The following CPSF7 variants were observed in gnomAD, a reference collection of about 807,000 sequenced individuals.
CPSF7 encodes cleavage and polyadenylation specificity factor subunit 7.
CPSF7 carries 1 observed loss-of-function variant against 44.3 expected under a neutral mutation model. That is an observed-to-expected ratio of 0.02 (90% CI 0.01 to 0.11). The LOEUF (loss-of-function observed/expected upper bound fraction) is 0.11. Ranked by LOEUF, CPSF7 falls within the 10% of genes least tolerant of loss-of-function variation. CPSF7 has a pLI of 1.00. For missense variants in CPSF7, 443 were observed against 607.2 expected (o/e 0.73, Z 2.84); for synonymous variants, 202 against 222.0 (o/e 0.91, Z 0.80).
At chr11:61,423,326 C>T (rs369983920) in intron 2 of CPSF7, among the ~76,000 whole-genome samples, 3 of 151,948 alleles carry the variant, frequency 2.0e-5, no homozygotes, top group South Asian at 4.2e-4. Context: ...GCACACACCA[C>T]CATGCCCAGC....
intron 1 of CPSF7, 108 bp from the exon 2 acceptor site, chr11:61,429,398 C>T: frequency 1.5e-6 from 1 of 687,898 alleles, no homozygotes; most frequent in South Asian, 1.7e-5. Flanking sequence ...ATCCTGGCGG[C>T]CCCAGCTCGG....
At chr11:61,407,665 T>C (rs1027433769) in intron 9 of CPSF7, among the ~76,000 whole-genome samples, 4 of 152,218 alleles carry the variant, frequency 2.6e-5, no homozygotes, top group African/African-American at 7.2e-5. Context: ...GTGGAATAAA[T>C]GAGTGGCTAA....
chr11:61,404,388 G>A lies in CPSF7; in HGVS notation c.*322C>T, dbSNP rs1859121981. The A allele has an allele frequency of 6.6e-6, 1 of 152,636 alleles. No individual in the cohort carries two copies. Among genetic ancestry groups the A allele is most frequent in the Admixed American group, 6.5e-5 (1 of 15,286 alleles). 9.5% of individuals were successfully genotyped at this position (152,636 alleles called of 1,614,324 possible). On this transcript the variant is annotated 3_prime_UTR_variant, in exon 10 of 10. Coordinates refer to ENST00000439958, the MANE Select transcript of CPSF7 (RefSeq NM_001142565.3). Reference sequence around the variant, plus strand: ...CCATTGAACGGCTCCCGGAGAATCAGAAACTCATACGTTTTCTTGGACAAA... The same window carrying A: ...CCATTGAACGGCTCCCGGAGAATCAAAAACTCATACGTTTTCTTGGACAAA...
rs1419354941 is a variant in CPSF7, at chr11:61,403,576, T to A, written c.*1134A>T. 6.6e-6 allele frequency: 1 copy of A among 152,078 alleles called. No homozygotes were observed. The highest frequency in any genetic ancestry group is 1.5e-5 in the Non-Finnish European group (1 of 68,032). 9.4% of individuals were successfully genotyped at this position (152,078 alleles called of 1,614,324 possible). On this transcript the variant is annotated 3_prime_UTR_variant, in exon 10 of 10. Transcript: ENST00000439958. ...AGGCAGAGTGAGAGGAGCTATTAAGTCAACAGTCAAAAGGTGAAAAGACAC... is the reference window on the plus strand; with the variant it reads ...AGGCAGAGTGAGAGGAGCTATTAAGACAACAGTCAAAAGGTGAAAAGACAC...
chr11:61,411,676 T>C (rs1208293042), intron 8 of CPSF7, 93 bp downstream of exon 8: 2 of 1,212,138 alleles, frequency 1.6e-6, no homozygotes, highest in Non-Finnish European at 2.3e-6. Context: ...GCCAGGTCTT[T>C]CCCAGATTCC....
chr11:61,416,899 A>G (rs2135331084), intron 5 of CPSF7, among the ~76,000 whole-genome samples: 1 of 152,250 alleles, frequency 6.6e-6, no homozygotes. Flanking sequence ...GAAACCCCAC[A>G]TCTCCTGAAG....
At chr11:61,421,353 A>C (rs775225102) in intron 3 of CPSF7, 37 bp downstream of exon 3, 1 of 1,564,376 alleles carries the variant, frequency 6.4e-7, no homozygotes, top group Non-Finnish European at 8.8e-7. Flanking sequence ...CTCTCCCTCC[A>C]GCCCACCCCT....
intron 2 of CPSF7, among the ~76,000 whole-genome samples, chr11:61,423,080 TG>T (rs1316569523): frequency 6.6e-5 from 7 of 106,486 alleles, no homozygotes; most frequent in Non-Finnish European, 6.8e-5. Flanking sequence ...TGAGCCAGCC[TG>T]GGCAACAGAG....
At chr11:61,411,688 T>C (rs1018221012) in intron 8 of CPSF7, 81 bp downstream of exon 8, 1 of 1,328,228 alleles carries the variant, frequency 7.5e-7, no homozygotes, top group Non-Finnish European at 1.0e-6. Flanking sequence ...CCAGATTCCC[T>C]GGGCTCCATT....
At chr11:61,415,532 C>T in intron 7 of CPSF7, 134 bp downstream of exon 7, 1 of 650,336 alleles carries the variant, frequency 1.5e-6, no homozygotes, top group Non-Finnish European at 2.8e-6. Context: ...ACATATTGCT[C>T]TTCAAAGTAT....
At chr11:61,413,437 C>T (rs1259868017) in intron 7 of CPSF7, among the ~76,000 whole-genome samples, 1 of 151,934 alleles carries the variant, frequency 6.6e-6, no homozygotes, top group Non-Finnish European at 1.5e-5. Context: ...TCGAGACCAG[C>T]CTGGCCAAAA....
At chr11:61,420,285 C>T (rs894551341) in intron 4 of CPSF7, among the ~76,000 whole-genome samples, 185 bp downstream of exon 4, 2 of 152,156 alleles carry the variant, frequency 1.3e-5, no homozygotes, top group East Asian at 1.9e-4. Context: ...CAGTATTCTT[C>T]GCCCCTTAAC....
chr11:61,420,310 C>T (rs988130054), intron 4 of CPSF7, among the ~76,000 whole-genome samples, 160 bp downstream of exon 4: 3 of 152,202 alleles, frequency 2.0e-5, no homozygotes, highest in Non-Finnish European at 2.9e-5. Flanking sequence ...GGATATTCTA[C>T]TACACTGCAG....
In CPSF7 at chr11:61,421,593, T is replaced by C; in HGVS notation, c.70A>G (p.Asn24Asp). The part of the protein sequence containing the change: ...EEFNQDPEFN[N>D]TDQIDLYDDV... ...TCATACAGGTCAATCTGATCTGTAT[T>C]GTTGAACTCTGGGTCCTAAGAGATG... The change falls in exon 3 of 10, where the codon AAT becomes GAT. Residue 24 changes from asparagine to aspartate, a missense_variant. Asn to Asp is a conservative substitution (Grantham distance 23). Coordinates refer to ENST00000439958, the MANE Select transcript of CPSF7 (RefSeq NM_001142565.3). The C allele has an allele frequency of 1.2e-6, 2 of 1,613,040 alleles. No homozygotes were observed. The highest frequency in any genetic ancestry group is 1.7e-6 in the Non-Finnish European group (2 of 1,179,560).
Position 61,425,087 on chromosome 11 carries a change from A to G in CPSF7, c.55-3479T>C, listed in dbSNP as rs187767801. Among the ~76,000 whole-genome samples, 265 of 152,338 alleles carry G rather than the reference A, an allele frequency of 1.7e-3. 1 individual carries two copies. The highest frequency in any genetic ancestry group is 0.016 in the Admixed American group (242 of 15,308). The stretch of plus-strand genomic sequence containing the variant: ...GGTATGGCTACCACTTTTAGAAACA[A>G]AAGGATTGAATGAATACAAAATTAT... On this transcript the variant is annotated intron_variant, in intron 2 of 9. Coordinates refer to ENST00000439958, the MANE Select transcript of CPSF7 (RefSeq NM_001142565.3).
intron 2 of CPSF7, among the ~76,000 whole-genome samples, chr11:61,424,057 AG>A (rs963942401): frequency 5.9e-5 from 9 of 152,218 alleles, no homozygotes; most frequent in African/African-American, 9.6e-5. Flanking sequence ...GTAAACTTTT[AG>A]GGGGCAACTT....
intron 4 of CPSF7, 106 bp downstream of exon 4, chr11:61,420,364 G>T: frequency 2.0e-6 from 2 of 1,019,264 alleles, no homozygotes; most frequent in Non-Finnish European, 3.0e-6. Flanking sequence ...AAGGCAGTAA[G>T]CTGGGCCAGG....
intron 9 of CPSF7, chr11:61,410,487 TAAC>T (rs1859756474): frequency 6.5e-6 from 1 of 153,016 alleles, no homozygotes; most frequent in African/African-American, 2.4e-5. Context: ...ATAATGATAA[TAAC>T]AATGGCTATT....
chr11:61,429,458 C>A (rs935688238), intron 1 of CPSF7, 168 bp from the exon 2 acceptor site: 2 of 525,388 alleles, frequency 3.8e-6, no homozygotes, highest in Admixed American at 4.1e-5. Flanking sequence ...ACCGCTCTCC[C>A]AGGCCGCCGG....
Sources: allele counts gnomAD v4.1 joint callset (sites outside exome capture counted in the v4.1 genomes callset), GRCh38; gene constraint gnomAD v4.1.1; transcripts MANE v1.5; gene names NCBI Gene and HGNC (gene_info 2026-07-23, HGNC 2026-07-21).